RHOU: variants seen among roughly 807,000 people sequenced by gnomAD.
The protein encoded by RHOU is ras homolog family member U, also known as rho-related GTP-binding protein RhoU.
In RHOU, 8 loss-of-function variants were observed where a neutral mutation model predicts 12.6. That is an observed-to-expected ratio of 0.64 (90% CI 0.37 to 1.15). RHOU has a LOEUF of 1.15. Among genes scored for constraint, RHOU ranks in the 50% most tolerant of loss-of-function variants. RHOU has a pLI of 0.01. For synonymous variants in RHOU, 161 were observed against 147.4 expected, an observed-to-expected ratio of 1.09 and a Z score of -0.67; for missense variants, 258 against 347.0, an observed-to-expected ratio of 0.74 and a Z score of 2.04.
the RHOU span, among the ~76,000 whole-genome samples, chr1:228,691,013 C>T: frequency 1.3e-5 from 2 of 151,972 alleles, no homozygotes; most frequent in African/African-American, 4.8e-5. Context: ...AGGGAGGAAA[C>T]GACTTAACTC....
chr1:228,698,062 C>T, the RHOU span, among the ~76,000 whole-genome samples: 10 of 152,134 alleles, frequency 6.6e-5, no homozygotes, highest in African/African-American at 2.4e-4. Context: ...ACATGCATAA[C>T]ATAAACTGAC....
chr1:228,674,404 T>C, the RHOU span, among the ~76,000 whole-genome samples: 23 of 150,314 alleles, frequency 1.5e-4, no homozygotes, highest in African/African-American at 5.7e-4. Context: ...TGGAGCGCAG[T>C]GGTGCAATTT....
chr1:228,727,363 A>G, the RHOU span, among the ~76,000 whole-genome samples: 58,705 of 151,780 alleles, frequency 0.39, 12,556 homozygotes, highest in African/African-American at 0.59. Context: ...GCTGAAGTAC[A>G]GTGGCACGAT....
chr1:228,691,062 T>C, the RHOU span, among the ~76,000 whole-genome samples: 2 of 151,808 alleles, frequency 1.3e-5, no homozygotes, highest in Non-Finnish European at 1.5e-5. Context: ...GAAGCTAAAT[T>C]AACTGCGAGG....
At chr1:228,674,225 C>A in the RHOU span, among the ~76,000 whole-genome samples, 6 of 152,086 alleles carry the variant, frequency 3.9e-5, no homozygotes, top group Admixed American at 3.9e-4. Context: ...ATTAAGTCTT[C>A]CTTTGTCAAA....
chr1:228,670,861 C>A, the RHOU span, among the ~76,000 whole-genome samples: 1 of 152,204 alleles, frequency 6.6e-6, no homozygotes, highest in Non-Finnish European at 1.5e-5. Flanking sequence ...TGTTGCTCCA[C>A]TGTGGGAAGA....
At chr1:228,711,527 G>C in the RHOU span, among the ~76,000 whole-genome samples, 4 of 149,106 alleles carry the variant, frequency 2.7e-5, no homozygotes, top group Non-Finnish European at 6.0e-5. Flanking sequence ...TATCTGATCT[G>C]TGACAAACCT....
intron 2 of RHOU, among the ~76,000 whole-genome samples, chr1:228,739,468 G>A (rs1200592099): frequency 6.6e-6 from 1 of 152,166 alleles, no homozygotes; most frequent in East Asian, 1.9e-4. Flanking sequence ...GGAGCCTGAG[G>A]CAGACAGTTG....
the RHOU span, among the ~76,000 whole-genome samples, chr1:228,677,121 G>T: frequency 5.3e-5 from 8 of 152,182 alleles, no homozygotes; most frequent in African/African-American, 1.7e-4. Flanking sequence ...GCGGGATTGG[G>T]GTGGCGTGGG....
At chr1:228,661,755 G>T in the RHOU span, among the ~76,000 whole-genome samples, 1 of 152,192 alleles carries the variant, frequency 6.6e-6, no homozygotes, top group Non-Finnish European at 1.5e-5. Flanking sequence ...ATACCATTCA[G>T]GACATAGGCA....
the RHOU span, among the ~76,000 whole-genome samples, chr1:228,694,304 T>G: frequency 6.6e-6 from 1 of 152,212 alleles, no homozygotes; most frequent in South Asian, 2.1e-4. Flanking sequence ...GTGGCCTGTT[T>G]TTAGTCTTGC....
the RHOU span, among the ~76,000 whole-genome samples, chr1:228,657,615 A>T: frequency 6.6e-6 from 1 of 152,228 alleles, no homozygotes; most frequent in South Asian, 2.1e-4. Context: ...GTAATAATGG[A>T]TAGAATGATC....
chr1:228,736,083 G>A (rs1225834118), intron 1 of RHOU, 79 bp downstream of exon 1: 1 of 1,449,972 alleles, frequency 6.9e-7, no homozygotes, highest in Non-Finnish European at 9.2e-7. Context: ...CGAGGGTCGC[G>A]AGGTTCCCAA....
At chr1:228,669,575 G>A in the RHOU span, among the ~76,000 whole-genome samples, 4 of 152,120 alleles carry the variant, frequency 2.6e-5, no homozygotes, top group Non-Finnish European at 4.4e-5. Flanking sequence ...AAGCCATGTC[G>A]CTGGTTAAGA....
At position 228,735,785 on chromosome 1, in the gene RHOU, G is replaced by A; in HGVS notation, c.43G>A (p.Glu15Lys). The part of the protein sequence containing the change: ...QGDPAFPDRC[E>K]APPVPPRRER... The stretch of plus-strand genomic sequence containing the variant: ...GGACCCCGCGTTCCCCGACCGCTGC[G>A]AGGCGCCTCCGGTGCCGCCGCGTCG... Residue 15 changes from glutamate (E) to lysine (K), a missense_variant, in exon 1 of 3, where the codon GAG (glutamate) becomes AAG (lysine). Coordinates refer to ENST00000366691, the MANE Select transcript of RHOU (RefSeq NM_021205.6). This position sits in a 1 kb window ranked among gnomAD's most constrained non-coding sequence, Gnocchi z 8.1. The A allele has an allele frequency of 1.6e-6, 2 of 1,215,064 alleles. No homozygotes were observed. Among genetic ancestry groups the A allele is most frequent in the Non-Finnish European group, 2.0e-6 (2 of 978,436 alleles). The allele number at this position is 1,215,064 out of a possible 1,614,324, so 75.3% of individuals were successfully genotyped here.
the RHOU span, among the ~76,000 whole-genome samples, chr1:228,676,194 C>T: frequency 1.3e-5 from 2 of 149,728 alleles, no homozygotes. Context: ...TGGCCTTGAA[C>T]TCTTGACCTC....
the RHOU span, among the ~76,000 whole-genome samples, chr1:228,659,961 A>C: frequency 7.5e-3 from 822 of 109,404 alleles, 6 homozygotes; most frequent in African/African-American, 0.027. Flanking sequence ...TCTACAAAAA[A>C]AAAACAAAAA....
the RHOU span, among the ~76,000 whole-genome samples, chr1:228,705,996 GA>G: frequency 6.6e-6 from 1 of 152,138 alleles, no homozygotes; most frequent in Non-Finnish European, 1.5e-5. Flanking sequence ...AGTGAGTCGA[GA>G]TTGCACCATT....
chr1:228,714,977 C>T, the RHOU span, among the ~76,000 whole-genome samples: 2 of 151,898 alleles, frequency 1.3e-5, no homozygotes, highest in Admixed American at 1.3e-4. Context: ...CTCCTGACTT[C>T]GTGATCTGCC....
Sources: allele counts gnomAD v4.1 joint callset (sites outside exome capture counted in the v4.1 genomes callset), GRCh38; gene constraint gnomAD v4.1.1; non-coding constraint Gnocchi (gnomAD v3.1); transcripts MANE v1.5; gene names NCBI Gene and HGNC (gene_info 2026-07-23, HGNC 2026-07-21).